GABRB1: variants seen among roughly 807,000 people sequenced by gnomAD.
The protein encoded by GABRB1 is gamma-aminobutyric acid receptor subunit beta-1.
A neutral mutation model predicts 51.6 loss-of-function variants in GABRB1; 17 were observed. The observed-to-expected ratio is 0.33, with a 90% CI of 0.23 to 0.49. The LOEUF (loss-of-function observed/expected upper bound fraction) is 0.49. Among genes scored for constraint, GABRB1 ranks in the 20% least tolerant of loss-of-function variants. GABRB1 has a pLI of 0.99. For missense variants in GABRB1, 410 were observed against 600.6 expected (o/e 0.68, Z 3.32); for synonymous variants, 247 against 218.9 (o/e 1.13, Z -1.14).
At chr4:47,094,129 G>T (rs1714272346) in intron 3 of GABRB1, among the ~76,000 whole-genome samples, 1 of 151,330 alleles carries the variant, frequency 6.6e-6, no homozygotes, top group African/African-American at 2.4e-5. Flanking sequence ...AGCTCCTTTG[G>T]CTATGATTGG....
chr4:47,123,749 T>TAA (rs1444260054), intron 3 of GABRB1, among the ~76,000 whole-genome samples: 1 of 77,032 alleles, frequency 1.3e-5, no homozygotes, highest in Non-Finnish European at 2.3e-5. Context: ...ATTATATATA[T>TAA]AATATATTAT....
At chr4:47,130,300 C>T (rs962340385) in intron 3 of GABRB1, among the ~76,000 whole-genome samples, 2 of 150,878 alleles carry the variant, frequency 1.3e-5, no homozygotes, top group Admixed American at 6.6e-5. Flanking sequence ...CTGCACATTC[C>T]CCCATAATGT....
At chr4:47,408,847 T>C (rs143316892) in intron 8 of GABRB1, among the ~76,000 whole-genome samples, 20 of 152,184 alleles carry the variant, frequency 1.3e-4, no homozygotes, top group African/African-American at 4.1e-4. Context: ...AATTGATAAG[T>C]CACGAGGGAA....
chr4:47,112,218 C>T (rs548422549), intron 3 of GABRB1, among the ~76,000 whole-genome samples: 1 of 152,178 alleles, frequency 6.6e-6, no homozygotes, highest in East Asian at 1.9e-4. Context: ...TTTCTAAAAT[C>T]ACAGCAAGAT....
At chr4:47,371,591 G>C (rs771704483) in intron 5 of GABRB1, among the ~76,000 whole-genome samples, 1 of 152,028 alleles carries the variant, frequency 6.6e-6, no homozygotes, top group Non-Finnish European at 1.5e-5. Context: ...ACAACCTCAC[G>C]AGCATCTGTT....
intron 3 of GABRB1, among the ~76,000 whole-genome samples, chr4:47,151,194 A>C (rs1473872135): frequency 6.6e-6 from 1 of 151,988 alleles, no homozygotes; most frequent in Admixed American, 6.6e-5. Flanking sequence ...TAAAAGTTCT[A>C]AGGGATATCA....
At chr4:47,075,814 G>A (rs1175414531) in intron 3 of GABRB1, among the ~76,000 whole-genome samples, 5 of 152,100 alleles carry the variant, frequency 3.3e-5, no homozygotes, top group Admixed American at 6.6e-5. Context: ...TAAGGATATC[G>A]AGATTAGGAG....
intron 3 of GABRB1, among the ~76,000 whole-genome samples, chr4:47,076,392 C>G (rs371467243): frequency 6.6e-6 from 1 of 152,300 alleles, no homozygotes; most frequent in Non-Finnish European, 1.5e-5. Flanking sequence ...TCTCTATGTT[C>G]TTTCAAATAC....
intron 5 of GABRB1, among the ~76,000 whole-genome samples, chr4:47,401,287 C>A (rs1208133922): frequency 4.6e-5 from 7 of 152,158 alleles, no homozygotes; most frequent in Non-Finnish European, 8.8e-5. Flanking sequence ...AACGTTTATG[C>A]TCTGTTGGTA....
intron 4 of GABRB1, among the ~76,000 whole-genome samples, chr4:47,304,464 A>G (rs1319592060): frequency 6.6e-6 from 1 of 151,950 alleles, no homozygotes; most frequent in Non-Finnish European, 1.5e-5. Flanking sequence ...TCCTTTGCCC[A>G]TCTTTTAATT....
chr4:47,156,689 A>T (rs1717717801), intron 3 of GABRB1, among the ~76,000 whole-genome samples: 1 of 151,870 alleles, frequency 6.6e-6, no homozygotes, highest in South Asian at 2.1e-4. Context: ...TGTTTTGGGG[A>T]CAGGCGCAGT....
chr4:47,309,866 T>C (rs1452952070), intron 4 of GABRB1, among the ~76,000 whole-genome samples: 1 of 152,194 alleles, frequency 6.6e-6, no homozygotes, highest in East Asian at 1.9e-4. Context: ...GTATTTGTAA[T>C]AGTAGTGTTA....
chr4:47,353,547 A>G (rs1267823601), intron 5 of GABRB1, among the ~76,000 whole-genome samples: 4 of 152,200 alleles, frequency 2.6e-5, no homozygotes, highest in Admixed American at 1.3e-4. Flanking sequence ...GCGAAGTGAT[A>G]TAATAGAAAG....
Position 47,246,337 on chromosome 4 carries a change from CATATATATATATAT to C in GABRB1, c.462-73744_462-73731del, listed in dbSNP as rs60968247. On this transcript the variant is annotated intron_variant, in intron 4 of 8. Transcript: ENST00000295454. ...ACACACACACACACACACATATGTA[CATATATATATATAT>C]ATATATATATATATATATATATATA... Among the ~76,000 whole-genome samples, 181 of 53,272 alleles carry C rather than the reference CATATATATATATAT, an allele frequency of 3.4e-3. 5 individuals are homozygous for C. Among genetic ancestry groups the C allele is most frequent in the Non-Finnish European group, 4.7e-3 (116 of 24,468 alleles). 34.9% of individuals were successfully genotyped at this position (53,272 alleles called of 152,430 possible).
intron 3 of GABRB1, among the ~76,000 whole-genome samples, chr4:47,133,642 T>C (rs914483797): frequency 1.3e-5 from 2 of 152,224 alleles, no homozygotes; most frequent in African/African-American, 4.8e-5. Flanking sequence ...AGCTATTTTA[T>C]AGACCATCTT....
At chr4:47,362,139 G>C (rs776953546) in intron 5 of GABRB1, among the ~76,000 whole-genome samples, 2 of 152,132 alleles carry the variant, frequency 1.3e-5, no homozygotes, top group Non-Finnish European at 2.9e-5. Context: ...GAAGCCACTG[G>C]AGGAAAGTTA....
chr4:47,268,882 C>T (rs956875944), intron 4 of GABRB1, among the ~76,000 whole-genome samples: 2 of 152,038 alleles, frequency 1.3e-5, no homozygotes, highest in Admixed American at 6.6e-5. Context: ...TATTATTATA[C>T]AAAACTCTTC....
At chr4:47,216,744 G>A (rs1343737091) in intron 4 of GABRB1, among the ~76,000 whole-genome samples, 1 of 151,846 alleles carries the variant, frequency 6.6e-6, no homozygotes, top group African/African-American at 2.4e-5. Context: ...TAATATGTTT[G>A]CAATAAGATC....
intron 3 of GABRB1, among the ~76,000 whole-genome samples, chr4:47,132,628 T>C (rs1334082036): frequency 6.6e-6 from 1 of 152,166 alleles, no homozygotes; most frequent in Non-Finnish European, 1.5e-5. Context: ...AAGGACCAAG[T>C]GTGGAATACT....
Sources: allele counts gnomAD v4.1 joint callset (sites outside exome capture counted in the v4.1 genomes callset), GRCh38; gene constraint gnomAD v4.1.1; transcripts MANE v1.5; gene names NCBI Gene and HGNC (gene_info 2026-07-23, HGNC 2026-07-21).